The following TMEM62 variants were observed in gnomAD, a reference collection of about 807,000 sequenced individuals.
TMEM62 encodes the protein transmembrane protein 62.
A neutral mutation model predicts 70.4 loss-of-function variants in TMEM62; 41 were observed. The observed-to-expected ratio is 0.58, with a 90% CI of 0.45 to 0.76. The LOEUF is 0.76. TMEM62 is among the 30% of genes least tolerant of loss of function. The pLI, the probability that TMEM62 is intolerant of heterozygous loss-of-function variation, is 0.00. For missense variants in TMEM62, 688 were observed against 788.5 expected, an observed-to-expected ratio of 0.87 and a Z score of 1.53; for synonymous variants, 268 against 291.0, an observed-to-expected ratio of 0.92 and a Z score of 0.80.
At position 43,184,447 on chromosome 15, in the gene TMEM62, G is replaced by A. The variant is rs2041704583; in HGVS notation, c.1793G>A (p.Gly598Asp). The A allele has an allele frequency of 6.2e-7, 1 of 1,614,022 alleles. No homozygotes were observed. The change falls in exon 14 of 14, where the codon GGC becomes GAC. Residue 598 changes from glycine (G) to aspartate (D), a missense_variant. Gly to Asp is a moderately conservative substitution (Grantham distance 94). Coordinates refer to ENST00000260403, the MANE Select transcript of TMEM62 (RefSeq NM_024956.4). ...YSCYFLYATY[G>D]TLAFLFSPLR... ...TGCTACTTTCTTTATGCAACATACG[G>A]CACCCTAGCTTTTTTATTCTCCCCT...
At position 43,169,305 on chromosome 15, in the gene TMEM62, G is replaced by A. The variant is rs145110172; in HGVS notation, c.1297-288G>A. 6.7e-3 allele frequency among the ~76,000 whole-genome samples: 1,016 copies of A among 152,258 alleles called. 7 individuals are homozygous for A. Among genetic ancestry groups the A allele is most frequent in the Non-Finnish European group, 0.01 (711 of 68,010 alleles). On this transcript the variant is annotated intron_variant, in intron 10 of 13. Transcript: ENST00000260403. The stretch of plus-strand genomic sequence containing the variant: ...GCTTTACCTCCTCCAAAAGGGGCTT[G>A]TTATGAATAACAATAGGTATTCCTT...
At chr15:43,155,355 G>C (rs1434173055) in intron 9 of TMEM62, among the ~76,000 whole-genome samples, 1 of 152,064 alleles carries the variant, frequency 6.6e-6, no homozygotes, top group Non-Finnish European at 1.5e-5. Context: ...AGTTAGCTGG[G>C]CATGGTGGCG....
In TMEM62 at chr15:43,134,330, C is replaced by G; in HGVS notation, c.254C>G (p.Thr85Ser). The G allele has an allele frequency of 1.9e-6, 3 of 1,614,136 alleles. No homozygotes were observed. Among genetic ancestry groups the G allele is most frequent in the Non-Finnish European group, 1.7e-6 (2 of 1,180,008 alleles). ...AVDLEKFCSE[T>S]IDIIQPALVL... ...GACTTAGAGAAATTCTGTTCTGAAACTATTGACATCATTCAACCAGCTCTC... is the reference window on the plus strand; with the variant it reads ...GACTTAGAGAAATTCTGTTCTGAAAGTATTGACATCATTCAACCAGCTCTC... Residue 85 changes from threonine (T) to serine (S), a missense_variant, in exon 2 of 14, where the codon ACT becomes AGT. Transcript: ENST00000260403.
chr15:43,172,043 A>T (rs181387062), intron 11 of TMEM62, among the ~76,000 whole-genome samples: 119 of 152,256 alleles, frequency 7.8e-4, no homozygotes, highest in African/African-American at 1.7e-3. Flanking sequence ...TCTAAAAAAA[A>T]TTTTTTATGG....
chr15:43,177,756 C>T (rs2040908548), intron 11 of TMEM62, among the ~76,000 whole-genome samples: 1 of 151,902 alleles, frequency 6.6e-6, no homozygotes, highest in Non-Finnish European at 1.5e-5. Context: ...GGACAAAAAA[C>T]CAAACACCGT....
rs1306537699 is a variant in TMEM62, at chr15:43,183,990, T to C, written c.1606-270T>C. ...TCAGTTCAATTCCAGCTTAACACCATTGGGTATTAACTGTGTATATGATAC... is the reference window on the plus strand; with the variant it reads ...TCAGTTCAATTCCAGCTTAACACCACTGGGTATTAACTGTGTATATGATAC... On this transcript the variant is annotated intron_variant, in intron 13 of 13. Coordinates refer to ENST00000260403, the MANE Select transcript of TMEM62 (RefSeq NM_024956.4). 1.1e-5 allele frequency: 5 copies of C among 460,726 alleles called. No homozygotes were observed. The South Asian group carries it at 1.1e-4, about 10-fold the overall frequency. 28.5% of individuals were successfully genotyped at this position (460,726 alleles called of 1,614,324 possible).
intron 10 of TMEM62, among the ~76,000 whole-genome samples, chr15:43,162,981 C>T (rs535529632): frequency 2.0e-5 from 3 of 151,162 alleles, no homozygotes; most frequent in East Asian, 1.9e-4. Flanking sequence ...TTCCTATCCT[C>T]GCTCATTAAA....
Position 43,159,920 on chromosome 15 carries a change from G to T in TMEM62, c.1183-761G>T, listed in dbSNP as rs567550060. On this transcript the variant is annotated intron_variant, in intron 9 of 13. Transcript: ENST00000260403. ...AATTTTTTTTAAAGGGAAAATACAC[G>T]TGAGTGCATGCTAATATTTACTCTT... 3.9e-5 allele frequency among the ~76,000 whole-genome samples: 6 copies of T among 152,228 alleles called. No individual in the cohort carries two copies. The East Asian group carries it at 1.2e-3, about 29-fold the overall frequency.
chr15:43,159,905 A>T (rs1020725592), intron 9 of TMEM62, among the ~76,000 whole-genome samples: 6 of 152,190 alleles, frequency 3.9e-5, no homozygotes, highest in Admixed American at 1.3e-4. Flanking sequence ...AATTTTTTTT[A>T]AAGGGAAAAT....
At chr15:43,164,402 T>C (rs950857823) in intron 10 of TMEM62, among the ~76,000 whole-genome samples, 1 of 152,192 alleles carries the variant, frequency 6.6e-6, no homozygotes, top group Admixed American at 6.5e-5. Context: ...GCTGTATATT[T>C]ACTGTTGCCA....
chr15:43,174,567 A>G (rs1159333358), intron 11 of TMEM62, among the ~76,000 whole-genome samples: 20 of 152,230 alleles, frequency 1.3e-4, no homozygotes, highest in Admixed American at 1.3e-3. Context: ...AACATATTTT[A>G]ACCTACATTG....
rs548181049 is a variant in TMEM62 at position 43,160,394 on chromosome 15, T to C, written c.1183-287T>C. ...AGCAAGACCCCATCTCTAAAATAAATTTAAATATTAGCCAGGCGTAGTGGT... is the reference window on the plus strand; with the variant it reads ...AGCAAGACCCCATCTCTAAAATAAACTTAAATATTAGCCAGGCGTAGTGGT... On this transcript the variant is annotated intron_variant, in intron 9 of 13. Coordinates refer to ENST00000260403, the MANE Select transcript of TMEM62 (RefSeq NM_024956.4). The C allele has an allele frequency of 1.3e-4, 29 of 231,230 alleles. No homozygotes were observed. The East Asian group carries it at 2.6e-3, about 21-fold the overall frequency. The allele number at this position is 231,230 out of a possible 1,614,324, so 14.3% of individuals were successfully genotyped here. A position where few individuals can be genotyped will look rare whatever the true frequency, so the allele number is the denominator to read the frequency against.
chr15:43,184,151 TA>T (rs1596379312), intron 13 of TMEM62, 108 bp from the exon 14 acceptor site: 2 of 985,650 alleles, frequency 2.0e-6, no homozygotes, highest in East Asian at 4.9e-5. Flanking sequence ...GTAAATTAGC[TA>T]ACGCCAAGAC....
At chr15:43,173,855 C>CTTTT (rs751203696) in intron 11 of TMEM62, among the ~76,000 whole-genome samples, 2 of 107,356 alleles carry the variant, frequency 1.9e-5, no homozygotes, top group African/African-American at 3.1e-5. Flanking sequence ...AATGCAGGAA[C>CTTTT]TTTTTTTTTT....
Position 43,151,854 on chromosome 15 carries a change from C to A in TMEM62, c.931C>A (p.Pro311Thr). The A allele has an allele frequency of 6.2e-7, 1 of 1,613,994 alleles. No homozygotes were observed. ...TGCAGATTTGATCTTTGGGAAGTGGCCTGTGGTTCTTATCACCAATCCTAA... is the reference window on the plus strand; with the variant it reads ...TGCAGATTTGATCTTTGGGAAGTGGACTGTGGTTCTTATCACCAATCCTAA... ...SFADLIFGKWPVVLITNPKSL... is the reference protein window; with the variant it reads ...SFADLIFGKWTVVLITNPKSL... Residue 311 changes from proline to threonine, a missense_variant, in exon 8 of 14, where the codon CCT becomes ACT. Coordinates refer to ENST00000260403, the MANE Select transcript of TMEM62 (RefSeq NM_024956.4).
chr15:43,145,269 A>C (rs1444194946), intron 4 of TMEM62, among the ~76,000 whole-genome samples: 1 of 139,958 alleles, frequency 7.1e-6, no homozygotes, highest in East Asian at 2.1e-4. Context: ...CAGTGGCACG[A>C]TCTCCACTCA....
At position 43,161,852 on chromosome 15, in the gene TMEM62, C is replaced by T. The variant is rs568780779; in HGVS notation, c.1296+1058C>T. Among the ~76,000 whole-genome samples, 8 of 151,926 alleles carry T rather than the reference C, an allele frequency of 5.3e-5. No individual in the cohort carries two copies. The South Asian group carries it at 6.2e-4, about 12-fold the overall frequency. ...ATTTTTTGTATTTTTTTAGTAGAGA[C>T]GGAGTTTCACTGTTGGCCAGGCTGG... On this transcript the variant is annotated intron_variant, in intron 10 of 13. Coordinates refer to ENST00000260403, the MANE Select transcript of TMEM62 (RefSeq NM_024956.4).
At chr15:43,160,570 T>TAAC in intron 9 of TMEM62, 111 bp from the exon 10 acceptor site, 3 of 620,642 alleles carry the variant, frequency 4.8e-6, no homozygotes, top group East Asian at 6.1e-5. Flanking sequence ...ACAACAACAA[T>TAAC]AACAACAACA....
chr15:43,143,472 A>G (rs1476587876), intron 4 of TMEM62, among the ~76,000 whole-genome samples: 1 of 152,260 alleles, frequency 6.6e-6, no homozygotes, highest in Non-Finnish European at 1.5e-5. Context: ...TGAAATATGC[A>G]TGCAGTTTAA....
Sources: allele counts gnomAD v4.1 joint callset (sites outside exome capture counted in the v4.1 genomes callset), GRCh38; gene constraint gnomAD v4.1.1; transcripts MANE v1.5; gene names NCBI Gene and HGNC (gene_info 2026-07-23, HGNC 2026-07-21).